The following NKAIN3 variants were observed in gnomAD, a reference collection of about 807,000 sequenced individuals.
NKAIN3 encodes sodium/potassium-transporting ATPase subunit beta-1-interacting protein 3.
A neutral mutation model predicts 30.2 loss-of-function variants in NKAIN3; 25 were observed. The ratio of observed to expected loss-of-function variants is 0.83; its 90% CI spans 0.60 to 1.16. NKAIN3 has a LOEUF of 1.16. Among genes scored for constraint, NKAIN3 ranks in the 50% most tolerant of loss-of-function variants. The pLI, the probability that NKAIN3 is intolerant of heterozygous loss-of-function variation, is 0.00. For missense variants in NKAIN3, 225 were observed against 254.1 expected, an observed-to-expected ratio of 0.89 and a Z score of 0.78; for synonymous variants, 91 against 89.6, an observed-to-expected ratio of 1.02 and a Z score of -0.09.
chr8:62,638,766 A>C (rs916196161), intron 3 of NKAIN3, among the ~76,000 whole-genome samples: 2 of 151,876 alleles, frequency 1.3e-5, no homozygotes, highest in Admixed American at 1.3e-4. Flanking sequence ...CCTTCCCTAA[A>C]CCCCAGTATA....
At chr8:62,961,837 C>G (rs1157238085) in intron 6 of NKAIN3, among the ~76,000 whole-genome samples, 1 of 152,016 alleles carries the variant, frequency 6.6e-6, no homozygotes, top group Non-Finnish European at 1.5e-5. Context: ...TGATCTTCAT[C>G]TTGATATGGT....
In NKAIN3 at chr8:62,303,157, A is replaced by G. The variant is rs183655264; in HGVS notation, c.54+54030A>G. On this transcript the variant is annotated intron_variant, in intron 1 of 6. Transcript: ENST00000623646. ...AGCAGTTGATTTACTGTGTTTTTTA[A>G]AAACAGTTGTGCTCTTTGGTCACTG... 3.5e-3 allele frequency among the ~76,000 whole-genome samples: 532 copies of G among 150,662 alleles called. 38 individuals carry two copies. Among genetic ancestry groups the G allele is most frequent in the African/African-American group, 0.013 (504 of 40,104 alleles).
chr8:62,627,595 T>TGC (rs1364217717), intron 3 of NKAIN3, among the ~76,000 whole-genome samples: 4 of 152,124 alleles, frequency 2.6e-5, no homozygotes, highest in Non-Finnish European at 5.9e-5. Context: ...CAAGACCTGA[T>TGC]AAAACTGTTC....
chr8:62,648,171 T>C (rs1403664745), intron 3 of NKAIN3, among the ~76,000 whole-genome samples: 1 of 152,118 alleles, frequency 6.6e-6, no homozygotes, highest in Non-Finnish European at 1.5e-5. Context: ...TTGGCAATAC[T>C]TGTGAGCCGT....
At chr8:62,995,353 A>G (rs1225129960) in intron 5 of NKAIN3, among the ~76,000 whole-genome samples, 1 of 152,180 alleles carries the variant, frequency 6.6e-6, no homozygotes, top group Non-Finnish European at 1.5e-5. Flanking sequence ...GCTGCATGGT[A>G]AGGGCTGGGG....
intron 4 of NKAIN3, among the ~76,000 whole-genome samples, chr8:62,747,769 C>A (rs1816130844): frequency 6.6e-6 from 1 of 152,146 alleles, no homozygotes; most frequent in African/African-American, 2.4e-5. Flanking sequence ...GGATGTATAA[C>A]ATCATCAAGA....
rs1823861647 is a variant in NKAIN3, at chr8:62,972,800, T to TG, written c.*7393_*7394insG. On this transcript the variant is annotated 3_prime_UTR_variant, in exon 7 of 7. Transcript: ENST00000623646. ...ATCAATTCATCATCTACATTAGGTA[T>TG]ATCTCCTAATGTTATCCCTCCCCTT... is the stretch of plus-strand genomic sequence containing the variant. Among the ~76,000 whole-genome samples, 1 of 152,176 alleles carries TG rather than the reference T, an allele frequency of 6.6e-6. No individual in the cohort carries two copies. Among genetic ancestry groups the TG allele is most frequent in the Non-Finnish European group, 1.5e-5 (1 of 68,038 alleles).
At chr8:62,431,127 C>A (rs1295979503) in intron 1 of NKAIN3, among the ~76,000 whole-genome samples, 1 of 151,842 alleles carries the variant, frequency 6.6e-6, no homozygotes, top group Middle Eastern at 3.4e-3. Flanking sequence ...AACCATTTTT[C>A]CTTTTATTAG....
At chr8:62,918,322 T>G in intron 4 of NKAIN3, 131 bp from the exon 5 acceptor site, 1 of 697,806 alleles carries the variant, frequency 1.4e-6, no homozygotes, top group South Asian at 1.7e-5. Flanking sequence ...AGCTATCATT[T>G]TAAAAGAGTT....
chr8:62,420,854 C>G (rs1446880167), intron 1 of NKAIN3, among the ~76,000 whole-genome samples: 2 of 152,066 alleles, frequency 1.3e-5, no homozygotes, highest in Non-Finnish European at 2.9e-5. Flanking sequence ...TGATTCTTAA[C>G]AAAATTTTGC....
intron 4 of NKAIN3, among the ~76,000 whole-genome samples, chr8:62,787,781 T>C (rs1036448863): frequency 3.9e-5 from 6 of 152,034 alleles, no homozygotes; most frequent in Non-Finnish European, 7.4e-5. Flanking sequence ...CATGTGGTGT[T>C]TGGTTTTTTG....
At chr8:62,450,555 A>G (rs924649477) in intron 1 of NKAIN3, among the ~76,000 whole-genome samples, 8 of 152,194 alleles carry the variant, frequency 5.3e-5, no homozygotes, top group African/African-American at 1.9e-4. Flanking sequence ...TTTTGTCTTT[A>G]AAACTGCTCA....
intron 1 of NKAIN3, among the ~76,000 whole-genome samples, chr8:62,412,925 A>C (rs1382959743): frequency 7.7e-5 from 10 of 129,770 alleles, no homozygotes; most frequent in African/African-American, 1.4e-4. Flanking sequence ...AAAAAAACAA[A>C]AAAAAAAAAA....
intron 4 of NKAIN3, among the ~76,000 whole-genome samples, chr8:62,800,277 T>A (rs776433649): frequency 6.6e-6 from 1 of 152,188 alleles, no homozygotes; most frequent in African/African-American, 2.4e-5. Context: ...GGGATTATAA[T>A]TTTGTATATG....
At chr8:62,867,305 C>A (rs530707908) in intron 4 of NKAIN3, among the ~76,000 whole-genome samples, 8 of 152,078 alleles carry the variant, frequency 5.3e-5, no homozygotes, top group African/African-American at 1.9e-4. Flanking sequence ...TTCTTCTTTA[C>A]GAATTGAAAA....
intron 3 of NKAIN3, among the ~76,000 whole-genome samples, chr8:62,719,173 C>T (rs1012360767): frequency 6.6e-6 from 1 of 152,150 alleles, no homozygotes; most frequent in African/African-American, 2.4e-5. Flanking sequence ...GCAGGGCTCA[C>T]ATTAGTGGAT....
In NKAIN3 at chr8:62,899,219, C is replaced by T. The variant is rs187300142; in HGVS notation, c.472-19234C>T. On this transcript the variant is annotated intron_variant, in intron 4 of 6. Transcript: ENST00000623646. The stretch of plus-strand genomic sequence containing the variant: ...GAGAGCTTCCATACAATCCAGCAAT[C>T]GCACTGCTGGGTAAATATTCAAAAG... 9.4e-3 allele frequency among the ~76,000 whole-genome samples: 1,431 copies of T among 152,260 alleles called. 14 individuals are homozygous for T. The highest frequency in any genetic ancestry group is 0.015 in the Non-Finnish European group (1,026 of 68,004).
At chr8:62,826,883 T>C (rs1375393354) in intron 4 of NKAIN3, among the ~76,000 whole-genome samples, 2 of 152,212 alleles carry the variant, frequency 1.3e-5, no homozygotes. Flanking sequence ...TCTGGGATCC[T>C]TTACTGGTTT....
chr8:62,486,721 G>A (rs762011593), intron 1 of NKAIN3, among the ~76,000 whole-genome samples: 2 of 152,122 alleles, frequency 1.3e-5, no homozygotes, highest in Admixed American at 6.6e-5. Context: ...ATTAATCATC[G>A]CTGGGCAGTT....
Sources: allele counts gnomAD v4.1 joint callset (sites outside exome capture counted in the v4.1 genomes callset), GRCh38; gene constraint gnomAD v4.1.1; transcripts MANE v1.5; gene names NCBI Gene and HGNC (gene_info 2026-07-23, HGNC 2026-07-21).